SATB2: variants seen among roughly 807,000 people sequenced by gnomAD.
SATB2 encodes the protein SATB homeobox 2.
In SATB2, 1 loss-of-function variant was observed where a neutral mutation model predicts 73.4. The observed-to-expected ratio is 0.01, with a 90% confidence interval of 0.00 to 0.06. The LOEUF (loss-of-function observed/expected upper bound fraction) is 0.06. Ranked by LOEUF, SATB2 falls within the 10% of genes least tolerant of loss-of-function variation. The pLI is 1.00. For missense variants in SATB2, 459 were observed against 945.8 expected (o/e 0.49, Z 6.75); for synonymous variants, 397 against 367.0 (o/e 1.08, Z -0.93).
upstream of SATB2, among the ~76,000 whole-genome samples, chr2:199,461,306 G>A (rs115152040): frequency 0.011 from 1,697 of 152,204 alleles, 13 homozygotes; most frequent in Non-Finnish European, 0.02. Flanking sequence ...CAACTGAAGC[G>A]ATTATTTCCA....
intron 10 of SATB2, among the ~76,000 whole-genome samples, chr2:199,294,169 T>A (rs1017423549): frequency 6.6e-6 from 1 of 152,150 alleles, no homozygotes; most frequent in South Asian, 2.1e-4. Context: ...ACGTTCTATA[T>A]GTGAGGAATG....
At chr2:199,327,317 T>C (rs1210141315) in intron 8 of SATB2, among the ~76,000 whole-genome samples, 1 of 152,170 alleles carries the variant, frequency 6.6e-6, no homozygotes, top group Non-Finnish European at 1.5e-5. Context: ...GGCATGTGCC[T>C]GTAATCCCAG....
rs375950005 is a variant in SATB2 at position 199,308,740 on chromosome 2, C to T, written c.1740+20G>A. 32 of 1,609,436 alleles carry T rather than the reference C, an allele frequency of 2.0e-5. No individual in the cohort carries two copies. In the African/African-American group the frequency reaches 2.4e-4, roughly 12 times the overall value. The stretch of plus-strand genomic sequence containing the variant: ...CACAGAGCCCTGATCAGGTGGGGTA[C>T]GGCGGTCGGGGACACTGACCTGCAC... On this transcript the variant is annotated intron_variant, in intron 10 of 10. Transcript: ENST00000417098. This position sits in a 1 kb window ranked among gnomAD's most constrained non-coding sequence, Gnocchi z 4.6.
intron 10 of SATB2, among the ~76,000 whole-genome samples, chr2:199,287,935 T>C (rs953213940): frequency 6.6e-6 from 1 of 152,180 alleles, no homozygotes; most frequent in African/African-American, 2.4e-5. Context: ...CTTACTGCTG[T>C]TTAGCTAGCT....
chr2:199,438,774 G>A (rs577498354), intron 2 of SATB2, among the ~76,000 whole-genome samples: 7 of 152,334 alleles, frequency 4.6e-5, no homozygotes, highest in African/African-American at 1.7e-4. Flanking sequence ...TCATCATGTA[G>A]TCTAACATAC....
chr2:199,434,768 C>T (rs928514754), intron 2 of SATB2, among the ~76,000 whole-genome samples: 1 of 152,020 alleles, frequency 6.6e-6, no homozygotes, highest in Non-Finnish European at 1.5e-5. Context: ...TCCAGAACCC[C>T]CTCCCTGTGG....
chr2:199,299,088 CAAGT>C (rs1687206061), intron 10 of SATB2, among the ~76,000 whole-genome samples: 1 of 152,102 alleles, frequency 6.6e-6, no homozygotes, highest in South Asian at 2.1e-4. Context: ...ACCTCAGTAC[CAAGT>C]AAATAAGGTT....
At chr2:199,281,984 C>A in intron 10 of SATB2, among the ~76,000 whole-genome samples, 1 of 151,698 alleles carries the variant, frequency 6.6e-6, no homozygotes, top group East Asian at 1.9e-4. Flanking sequence ...TGGGTTCATG[C>A]CATTCTCCTG....
chr2:199,381,827 A>G lies in SATB2; in HGVS notation c.347-7T>C. On this transcript the variant is annotated splice_polypyrimidine_tract_variant and splice_region_variant and intron_variant, in intron 3 of 10. Transcript: ENST00000417098. The stretch of plus-strand genomic sequence containing the variant: ...CTTCCCAGCTTGATTATTCCTGCAC[A>G]GGGAAGAAAAACATAATAAACACAT... The G allele has an allele frequency of 6.2e-7, 1 of 1,613,990 alleles. No homozygotes were observed.
intron 7 of SATB2, among the ~76,000 whole-genome samples, chr2:199,336,055 T>C (rs1046048382): frequency 2.0e-5 from 3 of 152,154 alleles, no homozygotes; most frequent in Non-Finnish European, 4.4e-5. Context: ...CAAAATCAGA[T>C]TCCTGGCAAC....
intron 10 of SATB2, among the ~76,000 whole-genome samples, chr2:199,275,950 G>A (rs1242975573): frequency 6.6e-6 from 1 of 152,104 alleles, no homozygotes; most frequent in East Asian, 1.9e-4. Flanking sequence ...TAATATCTGA[G>A]ATTAAAAGAT....
At chr2:199,383,637 A>C (rs962227208) in intron 3 of SATB2, among the ~76,000 whole-genome samples, 4 of 152,190 alleles carry the variant, frequency 2.6e-5, no homozygotes, top group African/African-American at 4.8e-5. Flanking sequence ...CAAGTAAAAG[A>C]AGCAGATTTT....
At chr2:199,288,613 C>T (rs1457115062) in intron 10 of SATB2, among the ~76,000 whole-genome samples, 1 of 152,176 alleles carries the variant, frequency 6.6e-6, no homozygotes, top group Non-Finnish European at 1.5e-5. Context: ...CAAGAAAATA[C>T]TACCTCAGCA....
chr2:199,448,653 A>G (rs1202802988), intron 2 of SATB2, among the ~76,000 whole-genome samples: 2 of 152,132 alleles, frequency 1.3e-5, no homozygotes, highest in Non-Finnish European at 2.9e-5. Flanking sequence ...ATATCTGTGT[A>G]AGTCTTCAGT....
intron 10 of SATB2, among the ~76,000 whole-genome samples, chr2:199,285,487 C>T (rs1350351184): frequency 3.3e-5 from 5 of 151,948 alleles, no homozygotes; most frequent in Non-Finnish European, 5.9e-5. Context: ...ATTTCACATC[C>T]TAACATTATA....
At chr2:199,427,639 G>A (rs762380315) in intron 3 of SATB2, among the ~76,000 whole-genome samples, 2 of 151,490 alleles carry the variant, frequency 1.3e-5, no homozygotes, top group African/African-American at 2.4e-5. Context: ...GGAAAGAGAC[G>A]AGACAGGATT....
intron 7 of SATB2, among the ~76,000 whole-genome samples, chr2:199,334,254 A>G (rs1688272545): frequency 6.6e-6 from 1 of 152,162 alleles, no homozygotes; most frequent in South Asian, 2.1e-4. Flanking sequence ...GATAGAGAAA[A>G]TAAGCCCTAT....
intron 10 of SATB2, among the ~76,000 whole-genome samples, chr2:199,281,668 C>T (rs943228639): frequency 1.3e-5 from 2 of 151,994 alleles, no homozygotes; most frequent in Non-Finnish European, 2.9e-5. Flanking sequence ...TAATATTCCC[C>T]TTTTTTCAAA....
chr2:199,465,477 C>G (rs1464801005), upstream of SATB2, among the ~76,000 whole-genome samples: 1 of 152,170 alleles, frequency 6.6e-6, no homozygotes, highest in Non-Finnish European at 1.5e-5. Flanking sequence ...GTAAAGACTT[C>G]TATATGATAA....
Sources: allele counts gnomAD v4.1 joint callset (sites outside exome capture counted in the v4.1 genomes callset), GRCh38; gene constraint gnomAD v4.1.1; non-coding constraint Gnocchi (gnomAD v3.1); transcripts MANE v1.5; gene names NCBI Gene and HGNC (gene_info 2026-07-23, HGNC 2026-07-21).